Variants in FOXP1 observed in about 807,000 individuals in gnomAD.
FOXP1 encodes the protein forkhead box protein P1.
FOXP1 carries 15 observed loss-of-function variants against 98.2 expected under a neutral mutation model. That is an observed-to-expected ratio of 0.15 (90% CI 0.10 to 0.24). The LOEUF is 0.24. FOXP1 is among the 10% of genes least tolerant of loss of function. The pLI is 1.00. For missense variants in FOXP1, 633 were observed against 848.5 expected (o/e 0.75, Z 3.15); for synonymous variants, 371 against 314.5 (o/e 1.18, Z -1.90).
intron 5 of FOXP1, among the ~76,000 whole-genome samples, chr3:71,227,780 T>C (rs929936463): frequency 2.6e-5 from 4 of 151,616 alleles, no homozygotes; most frequent in Admixed American, 6.6e-5. Flanking sequence ...CAATTTTCAA[T>C]CTTCACATCC....
At chr3:71,119,821 T>A (rs1039230056) in intron 6 of FOXP1, among the ~76,000 whole-genome samples, 1 of 152,070 alleles carries the variant, frequency 6.6e-6, no homozygotes, top group Non-Finnish European at 1.5e-5. Context: ...AAGAAAGAAA[T>A]GACAGTCACT....
rs112501721 is a variant in FOXP1, at chr3:71,273,275, C to A, written c.-12+26545G>T. 5.5e-3 allele frequency among the ~76,000 whole-genome samples: 842 copies of A among 152,308 alleles called. 7 individuals are homozygous for A. The highest frequency in any genetic ancestry group is 0.019 in the African/African-American group (809 of 41,566). ...GGAAGGAACAAGTCTAACTAACAAT[C>A]AAATGATAATTTGCATCCGGCCCTG... On this transcript the variant is annotated intron_variant, in intron 5 of 20. Coordinates refer to ENST00000649528, the MANE Select transcript of FOXP1 (RefSeq NM_001349338.3).
intron 14 of FOXP1, among the ~76,000 whole-genome samples, chr3:70,981,183 CT>C (rs1477934861): frequency 9.9e-6 from 1 of 100,524 alleles, no homozygotes; most frequent in African/African-American, 4.3e-5. Context: ...CACTAGGACT[CT>C]TTCTACCAAA....
At position 71,478,308 on chromosome 3, in the gene FOXP1, C is replaced by T. The variant is rs530722457; in HGVS notation, c.-168+15118G>A. ...TATGTAAAGTATTCATTATATTTCA[C>T]AATGAGAAAAAAATATTCCCAGGAT... On this transcript the variant is annotated intron_variant, in intron 3 of 20. Coordinates refer to ENST00000649528, the MANE Select transcript of FOXP1 (RefSeq NM_001349338.3). Among the ~76,000 whole-genome samples the T allele has an allele frequency of 2.6e-5, 4 of 152,158 alleles. No individual in the cohort carries two copies. The South Asian group carries it at 8.3e-4, about 32-fold the overall frequency.
At chr3:71,065,889 CT>C (rs2052426429) in intron 7 of FOXP1, 1 of 151,984 alleles carries the variant, frequency 6.6e-6, no homozygotes, top group Non-Finnish European at 1.5e-5. Flanking sequence ...ACTGACACGA[CT>C]TAAGCGTCAG....
chr3:71,430,838 C>T (rs2108383390), intron 3 of FOXP1, among the ~76,000 whole-genome samples: 1 of 152,192 alleles, frequency 6.6e-6, no homozygotes, highest in South Asian at 2.1e-4. Flanking sequence ...CGGCGGGGGG[C>T]AGGCCCATGT....
In FOXP1 at chr3:71,439,033, C is replaced by T. The variant is rs938144657; in HGVS notation, c.-168+54393G>A. ...CTATAGGAAGGAAGACACCAGCTCGCTGCTCTCACAACTCATCTTCCTCTC... is the reference window on the plus strand; with the variant it reads ...CTATAGGAAGGAAGACACCAGCTCGTTGCTCTCACAACTCATCTTCCTCTC... On this transcript the variant is annotated intron_variant, in intron 3 of 20. Coordinates refer to ENST00000649528, the MANE Select transcript of FOXP1 (RefSeq NM_001349338.3). 2.0e-5 allele frequency among the ~76,000 whole-genome samples: 3 copies of T among 152,224 alleles called. No homozygotes were observed. In the East Asian group the frequency reaches 5.8e-4, roughly 29 times the overall value.
chr3:71,495,024 G>C (rs1265741051), intron 2 of FOXP1, among the ~76,000 whole-genome samples: 1 of 152,162 alleles, frequency 6.6e-6, no homozygotes, highest in African/African-American at 2.4e-5. Context: ...CATGGCCTGA[G>C]GGCCCTACAT....
At chr3:71,024,899 G>A (rs2045915626) in intron 11 of FOXP1, among the ~76,000 whole-genome samples, 1 of 152,130 alleles carries the variant, frequency 6.6e-6, no homozygotes, top group African/African-American at 2.4e-5. Context: ...TGCAAATTAT[G>A]CTGGGAGAAA....
At position 71,020,190 on chromosome 3, in the gene FOXP1, T is replaced by C. The variant is rs150288004; in HGVS notation, c.870-4537A>G. Among the ~76,000 whole-genome samples the C allele has an allele frequency of 6.1e-3, 925 of 152,298 alleles. 7 individuals are homozygous for C. The highest frequency in any genetic ancestry group is 0.019 in the African/African-American group (791 of 41,548). ...TATAATTTTAACACAAAAATAGTGA[T>C]AGCATTTCAGATTAGAAAGAACCAA... On this transcript the variant is annotated intron_variant, in intron 11 of 20. Coordinates refer to ENST00000649528, the MANE Select transcript of FOXP1 (RefSeq NM_001349338.3).
At chr3:71,073,574 G>C (rs2053494363) in intron 7 of FOXP1, among the ~76,000 whole-genome samples, 1 of 152,196 alleles carries the variant, frequency 6.6e-6, no homozygotes, top group South Asian at 2.1e-4. Flanking sequence ...ATGTAGGTGA[G>C]TCACAAAAGT....
chr3:71,499,675 G>A (rs191465100), intron 2 of FOXP1, among the ~76,000 whole-genome samples: 8 of 152,328 alleles, frequency 5.3e-5, no homozygotes, highest in Admixed American at 5.2e-4. Context: ...GTGCATTTGT[G>A]AGAGCTTCAA....
chr3:71,515,261 G>T (rs1192168103), intron 2 of FOXP1, among the ~76,000 whole-genome samples: 1 of 151,808 alleles, frequency 6.6e-6, no homozygotes, highest in East Asian at 1.9e-4. Context: ...CACACAACGC[G>T]GTATGGAAAG....
chr3:71,462,733 C>T (rs753878879), intron 3 of FOXP1, among the ~76,000 whole-genome samples: 11 of 152,128 alleles, frequency 7.2e-5, no homozygotes, highest in African/African-American at 2.2e-4. Flanking sequence ...TCTAGTCATC[C>T]GATGAAGGAA....
chr3:71,226,842 C>T (rs748557432), intron 5 of FOXP1, among the ~76,000 whole-genome samples: 3 of 152,096 alleles, frequency 2.0e-5, no homozygotes, highest in Non-Finnish European at 4.4e-5. Context: ...GCACTAAGTG[C>T]GCTGTTCACC....
intron 2 of FOXP1, among the ~76,000 whole-genome samples, chr3:71,507,271 A>AT (rs1330351074): frequency 6.6e-6 from 1 of 152,188 alleles, no homozygotes; most frequent in African/African-American, 2.4e-5. Flanking sequence ...TTGGGTGGTG[A>AT]TATGCTTCAA....
chr3:71,173,248 G>A (rs1351695635), intron 6 of FOXP1, among the ~76,000 whole-genome samples: 1 of 151,976 alleles, frequency 6.6e-6, no homozygotes, highest in African/African-American at 2.4e-5. Context: ...TAATCAGCCA[G>A]TAAGATATTT....
chr3:70,987,876 T>TC, intron 14 of FOXP1, 118 bp downstream of exon 14: 1 of 888,770 alleles, frequency 1.1e-6, no homozygotes. Context: ...TCTAAGGCCC[T>TC]CAAAACTCAA....
chr3:71,137,802 T>TATTA (rs1560007138), intron 6 of FOXP1, among the ~76,000 whole-genome samples: 1 of 148,662 alleles, frequency 6.7e-6, no homozygotes, highest in South Asian at 2.1e-4. Flanking sequence ...ATTATTATTT[T>TATTA]TTTTTTTTGG....
Sources: gnomAD v4.1 joint callset for allele counts (sites outside exome capture counted in the v4.1 genomes callset) on GRCh38, gnomAD v4.1.1 for gene constraint, MANE v1.5 for transcripts, NCBI Gene and HGNC (gene_info 2026-07-23, HGNC 2026-07-21) for gene names.